PDE3A: variants seen among roughly 807,000 people sequenced by gnomAD.
The protein encoded by PDE3A is phosphodiesterase 3A.
A neutral mutation model predicts 98.3 loss-of-function variants in PDE3A; 43 were observed. The ratio of observed to expected loss-of-function variants is 0.44; its 90% CI spans 0.34 to 0.56. The LOEUF (loss-of-function observed/expected upper bound fraction) is 0.56, where lower values mean the gene tolerates loss of function less well. PDE3A is among the 20% of genes least tolerant of loss of function. The pLI is 0.01. For missense variants in PDE3A, 1,427 were observed against 1,440.7 expected, an observed-to-expected ratio of 0.99 and a Z score of 0.15; for synonymous variants, 663 against 567.9, an observed-to-expected ratio of 1.17 and a Z score of -2.38.
At chr12:20,620,702 A>G (rs373256261) in intron 4 of PDE3A, among the ~76,000 whole-genome samples, 7 of 152,026 alleles carry the variant, frequency 4.6e-5, no homozygotes, top group African/African-American at 1.7e-4. Flanking sequence ...CCTTTCTCCT[A>G]GTTCCTATCA....
chr12:20,400,906 T>G (rs2120660722), intron 1 of PDE3A, among the ~76,000 whole-genome samples: 1 of 152,312 alleles, frequency 6.6e-6, no homozygotes, highest in East Asian at 1.9e-4. Context: ...TATCACAGAT[T>G]CTCTTAAGAT....
chr12:20,449,522 C>T, intron 1 of PDE3A: 1 of 220,872 alleles, frequency 4.5e-6, no homozygotes, highest in Non-Finnish European at 9.3e-6. Context: ...TTGGTAACTG[C>T]CAAAGTGGTA....
intron 1 of PDE3A, among the ~76,000 whole-genome samples, chr12:20,378,883 A>G (rs1943617229): frequency 1.3e-5 from 2 of 150,564 alleles, no homozygotes; most frequent in African/African-American, 4.9e-5. Context: ...CTTTCATTTC[A>G]TTTTCTTTTT....
intron 1 of PDE3A, among the ~76,000 whole-genome samples, chr12:20,512,504 T>C (rs1030032622): frequency 6.6e-6 from 1 of 152,130 alleles, no homozygotes; most frequent in African/African-American, 2.4e-5. Flanking sequence ...GTTGCTTTCA[T>C]ATCTTTCAGC....
intron 4 of PDE3A, among the ~76,000 whole-genome samples, chr12:20,619,779 A>C (rs1196359860): frequency 2.0e-5 from 3 of 152,118 alleles, no homozygotes; most frequent in Non-Finnish European, 4.4e-5. Context: ...ATATATGGAA[A>C]ACTGCTATTA....
chr12:20,549,793 G>A (rs1448356168), intron 1 of PDE3A, among the ~76,000 whole-genome samples: 1 of 152,024 alleles, frequency 6.6e-6, no homozygotes, highest in Non-Finnish European at 1.5e-5. Context: ...ATATTTCTCA[G>A]TTTGTTATAT....
At chr12:20,425,150 C>T (rs1944582474) in intron 1 of PDE3A, among the ~76,000 whole-genome samples, 1 of 152,164 alleles carries the variant, frequency 6.6e-6, no homozygotes, top group Non-Finnish European at 1.5e-5. Flanking sequence ...TTAAAAGAGG[C>T]ACACGCCTGG....
chr12:20,384,230 C>T (rs926114887), intron 1 of PDE3A, among the ~76,000 whole-genome samples: 115 of 149,238 alleles, frequency 7.7e-4, no homozygotes, highest in African/African-American at 2.6e-3. Flanking sequence ...CTACACCTTC[C>T]GGAAGATATA....
At position 20,646,869 on chromosome 12, in the gene PDE3A, G is replaced by A. The variant is rs764095659; in HGVS notation, c.2484G>A (p.Ala828=). Reference sequence around the variant, plus strand: ...ATATCCCTGCCTTGGAGTTGATGGCGCTGTATGTGGCTGCAGCCATGCACG... The same window carrying A: ...ATATCCCTGCCTTGGAGTTGATGGCACTGTATGTGGCTGCAGCCATGCACG... The part of the protein sequence containing the change: ...SGNIPALELM[A]LYVAAAMHDY... Residue 828 remains alanine, a synonymous_variant, in exon 12 of 16, where the codon GCG becomes GCA. Coordinates refer to ENST00000359062, the MANE Select transcript of PDE3A (RefSeq NM_000921.5). The A allele has an allele frequency of 1.2e-5, 20 of 1,613,478 alleles. No homozygotes were observed. Among genetic ancestry groups the A allele is most frequent in the Admixed American group, 3.3e-5 (2 of 59,986 alleles).
chr12:20,416,426 A>AT (rs1033344531), intron 1 of PDE3A, among the ~76,000 whole-genome samples: 14 of 152,238 alleles, frequency 9.2e-5, no homozygotes, highest in Admixed American at 8.5e-4. Context: ...ATGTGTGTGT[A>AT]TGTGTGTGTG....
chr12:20,671,976 T>C (rs1377335365), intron 15 of PDE3A, among the ~76,000 whole-genome samples: 11 of 148,210 alleles, frequency 7.4e-5, no homozygotes, highest in South Asian at 2.2e-4. Flanking sequence ...AAAATCTCCT[T>C]AAGCTGATAA....
chr12:20,377,565 T>C (rs1943594591), intron 1 of PDE3A, among the ~76,000 whole-genome samples: 1 of 151,780 alleles, frequency 6.6e-6, no homozygotes, highest in South Asian at 2.1e-4. Flanking sequence ...TTTGAGATAC[T>C]AATGTCACCT....
chr12:20,369,284 C>G lies in PDE3A; in HGVS notation c.-1C>G. The G allele has an allele frequency of 6.6e-7, 1 of 1,513,250 alleles. No individual in the cohort carries two copies. The highest frequency in any genetic ancestry group is 1.3e-5 in the South Asian group (1 of 78,656). The allele number at this position is 1,513,250 out of a possible 1,614,324, so 93.7% of individuals were successfully genotyped here. A position where few individuals can be genotyped will look rare whatever the true frequency, so the allele number is the denominator to read the frequency against. On this transcript the variant is annotated 5_prime_UTR_variant, in exon 1 of 16. Coordinates refer to ENST00000359062, the MANE Select transcript of PDE3A (RefSeq NM_000921.5). ...ATTCAGTGAAGAGGGCACCCTATACCATGGCAGTGCCCGGCGACGCTGCAC... is the reference window on the plus strand; with the variant it reads ...ATTCAGTGAAGAGGGCACCCTATACGATGGCAGTGCCCGGCGACGCTGCAC...
chr12:20,584,255 C>T (rs1943138998), intron 2 of PDE3A, among the ~76,000 whole-genome samples: 1 of 152,098 alleles, frequency 6.6e-6, no homozygotes, highest in Non-Finnish European at 1.5e-5. Flanking sequence ...TGAGATGAAA[C>T]TTTGTCAACT....
intron 1 of PDE3A, among the ~76,000 whole-genome samples, chr12:20,408,875 G>T (rs1236169696): frequency 6.6e-6 from 1 of 152,104 alleles, no homozygotes. Flanking sequence ...TATTTCGATT[G>T]CACAGTTTTT....
rs543893285 is a variant in PDE3A, at chr12:20,552,895, G to C, written c.961-3765G>C. 4 of 1,610,312 alleles carry C rather than the reference G, an allele frequency of 2.5e-6. No homozygotes were observed. In the East Asian group the frequency reaches 9.0e-5, roughly 36 times the overall value. ...CCTGGACAGATCCTTTCGGGCACAG[G>C]TGTTCAGCTGCCCTGCCTGCCGCTA... On this transcript the variant is annotated intron_variant, in intron 1 of 15. Coordinates refer to ENST00000359062, the MANE Select transcript of PDE3A (RefSeq NM_000921.5). This position sits in a 1 kb window ranked among gnomAD's most constrained non-coding sequence, Gnocchi z 5.1.
chr12:20,527,152 C>T (rs1040875327), intron 1 of PDE3A, among the ~76,000 whole-genome samples: 2 of 152,056 alleles, frequency 1.3e-5, no homozygotes, highest in Admixed American at 6.5e-5. Context: ...CTCCTGAGCT[C>T]AGGTGATCTG....
intron 1 of PDE3A, among the ~76,000 whole-genome samples, chr12:20,442,464 C>T (rs1434244006): frequency 2.0e-5 from 3 of 152,280 alleles, no homozygotes; most frequent in South Asian, 2.1e-4. Context: ...GGTAGTCACA[C>T]GCTGGTTCTC....
chr12:20,369,233 G>A lies in PDE3A; in HGVS notation c.-52G>A, dbSNP rs1943406905. On this transcript the variant is annotated 5_prime_UTR_variant, in exon 1 of 16. Transcript: ENST00000359062. ...TGTGCGCGCGCGCGCGTGGGTCGGG[G>A]CGGGGGCGTCGGGGGGCCACTGGGA... The A allele has an allele frequency of 7.2e-7, 1 of 1,391,906 alleles. No homozygotes were observed. Among genetic ancestry groups the A allele is most frequent in the East Asian group, 2.5e-5 (1 of 39,452 alleles). 86.2% of individuals were successfully genotyped at this position (1,391,906 alleles called of 1,614,324 possible). A position where few individuals can be genotyped will look rare whatever the true frequency, so the allele number is the denominator to read the frequency against.
Sources: gnomAD v4.1 joint callset for allele counts (sites outside exome capture counted in the v4.1 genomes callset) on GRCh38, gnomAD v4.1.1 for gene constraint, Gnocchi (gnomAD v3.1) non-coding constraint, MANE v1.5 for transcripts, NCBI Gene and HGNC (gene_info 2026-07-23, HGNC 2026-07-21) for gene names.